PDE8B: variants seen among roughly 807,000 people sequenced by gnomAD.
The protein encoded by PDE8B is phosphodiesterase 8B, also known as high affinity cAMP-specific and IBMX-insensitive 3',5'-cyclic phosphodiesterase 8B.
A neutral mutation model predicts 101.3 loss-of-function variants in PDE8B; 26 were observed. The ratio of observed to expected loss-of-function variants is 0.26; its 90% CI spans 0.19 to 0.36. The LOEUF is 0.36. PDE8B is among the 10% of genes least tolerant of loss of function. The probability of loss-of-function intolerance (pLI) is 1.00; values close to 1 mark genes in which losing one functional copy is unlikely to be tolerated. For synonymous variants in PDE8B, 424 were observed against 429.3 expected, an observed-to-expected ratio of 0.99 and a Z score of 0.15; for missense variants, 810 against 1,163.1, an observed-to-expected ratio of 0.70 and a Z score of 4.42.
chr5:77,379,166 T>A (rs545538367), intron 10 of PDE8B, among the ~76,000 whole-genome samples: 76 of 152,304 alleles, frequency 5.0e-4, no homozygotes, highest in African/African-American at 1.8e-3. Flanking sequence ...CTAAGAGAAG[T>A]TATGACCAAG....
chr5:77,154,184 C>G, the PDE8B span, among the ~76,000 whole-genome samples: 1 of 152,218 alleles, frequency 6.6e-6, no homozygotes, highest in African/African-American at 2.4e-5. Flanking sequence ...TCTTGCCTCT[C>G]ACCCAAATTG....
the PDE8B span, among the ~76,000 whole-genome samples, chr5:77,204,316 C>T: frequency 2.7e-5 from 4 of 150,324 alleles, no homozygotes; most frequent in South Asian, 8.4e-4. Flanking sequence ...GAGGCTGAGG[C>T]GGGAGAATCA....
intron 20 of PDE8B, among the ~76,000 whole-genome samples, chr5:77,422,697 C>CAG (rs1367185727): frequency 1.3e-5 from 2 of 151,844 alleles, no homozygotes; most frequent in Non-Finnish European, 2.9e-5. Context: ...GCCCTACTTC[C>CAG]AGAGAAGAGA....
At chr5:77,366,728 C>T (rs1340732366) in intron 10 of PDE8B, among the ~76,000 whole-genome samples, 1 of 152,196 alleles carries the variant, frequency 6.6e-6, no homozygotes, top group Non-Finnish European at 1.5e-5. Context: ...AATGTTGTCC[C>T]TCAGAGGGAA....
In PDE8B at chr5:77,210,989, G is replaced by A. The variant is rs765929432; in HGVS notation, c.64G>A (p.Glu22Lys). Residue 22 changes from glutamate (E) to lysine (K), a missense_variant, in exon 1 of 22, where the codon GAG becomes AAG. This residue lies in a region of PDE8B where 159 missense variants were observed against 146.6 expected (regional missense o/e 1.08). Coordinates refer to ENST00000264917, the MANE Select transcript of PDE8B (RefSeq NM_003719.5). This position sits in a 1 kb window ranked among gnomAD's most constrained non-coding sequence, Gnocchi z 4.9. ...CGTGATCTACTGCCGGGACTCGGAC[G>A]AGTCCAGCTCGCCCCGCCAGACCAC... Reference protein sequence around the residue: ...SGVIYCRDSDESSSPRQTTSV... With the variant: ...SGVIYCRDSDKSSSPRQTTSV... The A allele has an allele frequency of 6.5e-7, 1 of 1,541,642 alleles. No individual in the cohort carries two copies. The highest frequency in any genetic ancestry group is 2.6e-5 in the East Asian group (1 of 38,178).
chr5:77,159,740 T>G, the PDE8B span, among the ~76,000 whole-genome samples: 1 of 152,210 alleles, frequency 6.6e-6, no homozygotes, highest in African/African-American at 2.4e-5. Flanking sequence ...CAGGGCCCCA[T>G]GTGAGCCCAC....
intron 3 of PDE8B, 148 bp from the exon 4 acceptor site, chr5:77,328,850 C>A: frequency 1.4e-6 from 1 of 727,838 alleles, no homozygotes; most frequent in East Asian, 2.7e-5. Flanking sequence ...ACAAGGGCAT[C>A]TTTCTTTGTT....
chr5:77,291,345 G>A (rs2149945925), intron 1 of PDE8B: 1 of 1,612,364 alleles, frequency 6.2e-7, no homozygotes, highest in African/African-American at 1.3e-5. Context: ...AGCGGAAGAA[G>A]CAAAGAAAGA....
chr5:77,252,649 A>G (rs6453296), intron 1 of PDE8B, among the ~76,000 whole-genome samples: 94,833 of 151,966 alleles, frequency 0.62, 30,203 homozygotes, highest in East Asian at 0.95. Flanking sequence ...TTTTCTGCCC[A>G]TTTCCCTTTT....
chr5:77,422,368 A>G (rs1343301061), intron 20 of PDE8B, among the ~76,000 whole-genome samples: 1 of 152,170 alleles, frequency 6.6e-6, no homozygotes, highest in Non-Finnish European at 1.5e-5. Context: ...GGCCACGGGG[A>G]GTTCCAGTCC....
chr5:77,323,416 G>C (rs892583549), intron 2 of PDE8B, among the ~76,000 whole-genome samples: 6 of 152,188 alleles, frequency 3.9e-5, no homozygotes, highest in African/African-American at 1.4e-4. Context: ...AATTATTGGG[G>C]AGGTTTAGAT....
At chr5:77,257,643 C>T (rs369970171) in intron 1 of PDE8B, among the ~76,000 whole-genome samples, 25 of 152,166 alleles carry the variant, frequency 1.6e-4, no homozygotes, top group African/African-American at 4.3e-4. Flanking sequence ...TCTCAACACC[C>T]TTTTCTTTTT....
intron 10 of PDE8B, among the ~76,000 whole-genome samples, chr5:77,368,365 C>T (rs970608284): frequency 6.6e-6 from 1 of 152,158 alleles, no homozygotes; most frequent in African/African-American, 2.4e-5. Context: ...GATCCTTTAC[C>T]CTTCCCGTGA....
chr5:77,168,682 T>C, the PDE8B span, among the ~76,000 whole-genome samples: 12 of 152,306 alleles, frequency 7.9e-5, no homozygotes, highest in African/African-American at 2.6e-4. Flanking sequence ...CAGAGTGGGC[T>C]TTACCGCAGC....
intron 20 of PDE8B, among the ~76,000 whole-genome samples, chr5:77,422,250 G>C (rs151319665): frequency 8.5e-4 from 130 of 152,296 alleles, no homozygotes; most frequent in African/African-American, 3.0e-3. Flanking sequence ...CAGTTTGCTG[G>C]ATCCAGAACT....
At chr5:77,157,911 C>T in the PDE8B span, among the ~76,000 whole-genome samples, 1 of 152,210 alleles carries the variant, frequency 6.6e-6, no homozygotes, top group Non-Finnish European at 1.5e-5. Flanking sequence ...TACTGACTGC[C>T]CCTCCTCCAT....
chr5:77,280,669 G>A (rs1236282863), intron 1 of PDE8B, among the ~76,000 whole-genome samples: 1 of 152,176 alleles, frequency 6.6e-6, no homozygotes, highest in Non-Finnish European at 1.5e-5. Flanking sequence ...TCCAAGGCGG[G>A]TGGATCACAA....
At chr5:77,112,357 T>G in the PDE8B span, 1 of 152,146 alleles carries the variant, frequency 6.6e-6, no homozygotes, top group Non-Finnish European at 1.5e-5. Flanking sequence ...CCAAGAGACA[T>G]TTTACTGTGA....
chr5:77,379,679 C>T (rs1373729891), intron 10 of PDE8B, among the ~76,000 whole-genome samples: 6 of 152,096 alleles, frequency 3.9e-5, no homozygotes, highest in Admixed American at 2.0e-4. Context: ...TGTTTTGTTC[C>T]GGTGTTTAGG....
Sources: gnomAD v4.1 joint callset for allele counts (sites outside exome capture counted in the v4.1 genomes callset) on GRCh38, gnomAD v4.1.1 for gene constraint, gnomAD v4.1.1 regional missense constraint, Gnocchi (gnomAD v3.1) non-coding constraint, MANE v1.5 for transcripts, NCBI Gene and HGNC (gene_info 2026-07-23, HGNC 2026-07-21) for gene names.